TNKS: variants seen among roughly 807,000 people sequenced by gnomAD.
TNKS encodes tankyrase, also known as poly [ADP-ribose] polymerase tankyrase-1.
A neutral mutation model predicts 135.8 loss-of-function variants in TNKS; 72 were observed. That is an observed-to-expected ratio of 0.53 (90% CI 0.44 to 0.64). TNKS has a LOEUF of 0.64. Among genes scored for constraint, TNKS ranks in the 30% least tolerant of loss-of-function variants. The pLI, the probability that TNKS is intolerant of heterozygous loss-of-function variation, is 0.00. For synonymous variants in TNKS, 849 were observed against 649.3 expected (o/e 1.31, Z -4.68); for missense variants, 1,769 against 1,674.0 (o/e 1.06, Z -0.99).
At chr8:9,660,424 T>G (rs1340153331) in intron 3 of TNKS, among the ~76,000 whole-genome samples, 1 of 152,182 alleles carries the variant, frequency 6.6e-6, no homozygotes, top group Non-Finnish European at 1.5e-5. Flanking sequence ...GATCCAAGGC[T>G]CGTTCAACAT....
At chr8:9,682,159 T>G (rs1458169511) in intron 5 of TNKS, among the ~76,000 whole-genome samples, 2 of 152,130 alleles carry the variant, frequency 1.3e-5, no homozygotes, top group Non-Finnish European at 2.9e-5. Flanking sequence ...ATAAAGTGAT[T>G]TCTATCACTG....
intron 26 of TNKS, among the ~76,000 whole-genome samples, chr8:9,776,059 G>C (rs1275958184): frequency 6.6e-6 from 1 of 151,698 alleles, no homozygotes; most frequent in Non-Finnish European, 1.5e-5. Context: ...CTGACTGCAA[G>C]AAAAAAGAGA....
chr8:9,772,185 T>C (rs1807945657), intron 26 of TNKS, among the ~76,000 whole-genome samples: 1 of 151,364 alleles, frequency 6.6e-6, no homozygotes, highest in South Asian at 2.1e-4. Flanking sequence ...TAATGGATGC[T>C]AAATATGGGG....
chr8:9,632,283 A>G (rs1416484041), intron 3 of TNKS, among the ~76,000 whole-genome samples: 1 of 152,168 alleles, frequency 6.6e-6, no homozygotes, highest in Non-Finnish European at 1.5e-5. Flanking sequence ...TGTTTCTCCA[A>G]ATTTTTATTA....
At chr8:9,775,336 A>G (rs1563229617) in intron 26 of TNKS, among the ~76,000 whole-genome samples, 1 of 151,544 alleles carries the variant, frequency 6.6e-6, no homozygotes. Flanking sequence ...TTCAGATTGG[A>G]AAGTCAGGAG....
rs116616664 is a variant in TNKS at position 9,735,257 on chromosome 8, G to A, written c.2534-120G>A. 192 of 1,101,328 alleles carry A rather than the reference G, an allele frequency of 1.7e-4. No homozygotes were observed. In the African/African-American group the frequency reaches 2.9e-3, roughly 17 times the overall value. 68.2% of individuals were successfully genotyped at this position (1,101,328 alleles called of 1,614,324 possible). A position where few individuals can be genotyped will look rare whatever the true frequency, so the allele number is the denominator to read the frequency against. ...GAAGTCCCTCCATTATGTGATAACA[G>A]TATTAGCTTTTGAAGCAAAAAGTAT... On this transcript the variant is annotated intron_variant, in intron 16 of 26. Transcript: ENST00000310430.
chr8:9,721,541 G>A (rs1804880958), intron 12 of TNKS, among the ~76,000 whole-genome samples: 1 of 151,480 alleles, frequency 6.6e-6, no homozygotes, highest in Non-Finnish European at 1.5e-5. Flanking sequence ...GGAATGAAAT[G>A]ACAAACCAGA....
At chr8:9,705,001 C>T (rs1386313492) in intron 6 of TNKS, among the ~76,000 whole-genome samples, 1 of 152,140 alleles carries the variant, frequency 6.6e-6, no homozygotes, top group East Asian at 1.9e-4. Flanking sequence ...GAAATTGTGT[C>T]TCAGTTGCAG....
intron 5 of TNKS, among the ~76,000 whole-genome samples, chr8:9,692,238 C>A (rs185499324): frequency 8.1e-4 from 124 of 152,272 alleles, no homozygotes; most frequent in African/African-American, 2.8e-3. Context: ...GTTTTCCCAT[C>A]GTTGTGTTCA....
rs965707755 is a variant in TNKS at position 9,641,982 on chromosome 8, C to G, written c.994+26305C>G. 2.7e-5 allele frequency among the ~76,000 whole-genome samples: 4 copies of G among 146,110 alleles called. 1 individual carries two copies. Among genetic ancestry groups the G allele is most frequent in the African/African-American group, 1.0e-4 (4 of 39,436 alleles). On this transcript the variant is annotated intron_variant, in intron 3 of 26. Coordinates refer to ENST00000310430, the MANE Select transcript of TNKS (RefSeq NM_003747.3). Reference sequence around the variant, plus strand: ...TCTTCCAAGGCAAATCATTGGACACCTCGAATTTCAATTTTTTGCACTTCT... The same window carrying G: ...TCTTCCAAGGCAAATCATTGGACACGTCGAATTTCAATTTTTTGCACTTCT...
At position 9,615,688 on chromosome 8, in the gene TNKS, A is replaced by G. The variant is rs1563119019; in HGVS notation, c.994+11A>G. On this transcript the variant is annotated intron_variant, in intron 3 of 26. Transcript: ENST00000310430. Reference sequence around the variant, plus strand: ...AAGCTGTCCTTACAGGTAAGAAGACAGAGAGCTACCGAATGATTATATCTG... The same window carrying G: ...AAGCTGTCCTTACAGGTAAGAAGACGGAGAGCTACCGAATGATTATATCTG... 6.3e-7 allele frequency: 1 copy of G among 1,597,948 alleles called. No homozygotes were observed.
chr8:9,596,458 T>C (rs1305739103), intron 2 of TNKS, among the ~76,000 whole-genome samples: 8 of 152,200 alleles, frequency 5.3e-5, no homozygotes, highest in Non-Finnish European at 1.0e-4. Context: ...ACTTTACTTT[T>C]AAAAAACGTA....
chr8:9,707,910 A>G (rs529725534), intron 8 of TNKS, among the ~76,000 whole-genome samples: 1 of 152,338 alleles, frequency 6.6e-6, no homozygotes, highest in East Asian at 1.9e-4. Context: ...TGGCAATAGT[A>G]GTAGCAAGAG....
At chr8:9,624,093 C>T (rs1321836675) in intron 3 of TNKS, among the ~76,000 whole-genome samples, 1 of 152,130 alleles carries the variant, frequency 6.6e-6, no homozygotes, top group Non-Finnish European at 1.5e-5. Context: ...ACTTCAAGTC[C>T]TTCCAATGAA....
chr8:9,743,956 A>G (rs1009211522), intron 17 of TNKS, among the ~76,000 whole-genome samples: 1 of 152,228 alleles, frequency 6.6e-6, no homozygotes, highest in Non-Finnish European at 1.5e-5. Context: ...CTGTGAAATT[A>G]CATAGTTATT....
intron 3 of TNKS, among the ~76,000 whole-genome samples, chr8:9,648,549 T>C (rs574297167): frequency 1.3e-5 from 2 of 152,294 alleles, no homozygotes; most frequent in East Asian, 1.9e-4. Context: ...CACTAACATA[T>C]TCATTTGTTA....
chr8:9,609,853 CTTTTTTTCT>C (rs1489634728), intron 2 of TNKS, among the ~76,000 whole-genome samples: 1 of 152,026 alleles, frequency 6.6e-6, no homozygotes, highest in Non-Finnish European at 1.5e-5. Context: ...CTTGAATTTT[CTTTTTTTCT>C]TTTTTTTCTT....
intron 2 of TNKS, among the ~76,000 whole-genome samples, chr8:9,602,301 A>G (rs1408197295): frequency 6.6e-6 from 1 of 152,208 alleles, no homozygotes; most frequent in Non-Finnish European, 1.5e-5. Context: ...CCAGCTCCCC[A>G]TGGTCTACGT....
intron 3 of TNKS, among the ~76,000 whole-genome samples, chr8:9,643,583 C>G (rs1800801811): frequency 6.6e-6 from 1 of 152,078 alleles, no homozygotes; most frequent in Non-Finnish European, 1.5e-5. Flanking sequence ...ATAGCAGCTA[C>G]TATTAAAAAC....
Sources: allele counts gnomAD v4.1 joint callset (sites outside exome capture counted in the v4.1 genomes callset), GRCh38; gene constraint gnomAD v4.1.1; transcripts MANE v1.5; gene names NCBI Gene and HGNC (gene_info 2026-07-23, HGNC 2026-07-21).